CFAP61: variants seen among roughly 807,000 people sequenced by gnomAD.
CFAP61 encodes cilia and flagella associated protein 61, also known as cilia- and flagella-associated protein 61.
CFAP61 carries 107 observed loss-of-function variants against 135.6 expected under a neutral mutation model. The observed-to-expected ratio is 0.79, with a 90% CI of 0.67 to 0.93. CFAP61 has a LOEUF of 0.93. Ranked by LOEUF, CFAP61 falls within the 40% of genes least tolerant of loss-of-function variation. The probability of loss-of-function intolerance (pLI) is 0.00; values close to 1 mark genes in which losing one functional copy is unlikely to be tolerated. For synonymous variants in CFAP61, 575 were observed against 578.5 expected, an observed-to-expected ratio of 0.99 and a Z score of 0.09; for missense variants, 1,507 against 1,556.2, an observed-to-expected ratio of 0.97 and a Z score of 0.53.
intron 25 of CFAP61, among the ~76,000 whole-genome samples, chr20:20,308,987 T>G (rs979866523): frequency 3.9e-5 from 6 of 152,206 alleles, no homozygotes; most frequent in African/African-American, 1.4e-4. Flanking sequence ...TGTTTTACTG[T>G]TGTTGGAACT....
At position 20,359,471 on chromosome 20, in the gene CFAP61, C is replaced by A. The variant is rs1180624613; in HGVS notation, c.3514-739C>A. ...CCTGAGGTCGGGAGTTCAAGACCAGCCTGACCAACATGGAGAGACCCTGTC... is the reference window on the plus strand; with the variant it reads ...CCTGAGGTCGGGAGTTCAAGACCAGACTGACCAACATGGAGAGACCCTGTC... On this transcript the variant is annotated intron_variant, in intron 26 of 26. Transcript: ENST00000245957. The surrounding 1 kb of genome is among the most constrained non-coding windows in gnomAD (Gnocchi z 4.0). Among the ~76,000 whole-genome samples the A allele has an allele frequency of 1.3e-5, 2 of 152,032 alleles. No homozygotes were observed. Among genetic ancestry groups the A allele is most frequent in the African/African-American group, 4.8e-5 (2 of 41,390 alleles).
intron 17 of CFAP61, among the ~76,000 whole-genome samples, chr20:20,227,531 C>A (rs924346315): frequency 1.6e-4 from 25 of 152,132 alleles, no homozygotes; most frequent in African/African-American, 5.6e-4. Flanking sequence ...TTTAATGTAC[C>A]CCTTGCAGCT....
intron 3 of CFAP61, among the ~76,000 whole-genome samples, chr20:20,073,294 G>A (rs1032468312): frequency 6.6e-6 from 1 of 152,190 alleles, no homozygotes; most frequent in Non-Finnish European, 1.5e-5. Flanking sequence ...TGGGATTTGT[G>A]TTGTTTGCCT....
At chr20:20,055,892 G>T in intron 1 of CFAP61, 1 of 1,316,198 alleles carries the variant, frequency 7.6e-7, no homozygotes. Context: ...AGAGAGAAGA[G>T]AGACTTACAG....
At chr20:20,357,640 GA>G in intron 26 of CFAP61, among the ~76,000 whole-genome samples, 2 of 7,798 alleles carry the variant, frequency 2.6e-4, no homozygotes, top group African/African-American at 7.4e-4. Context: ...ACACTGAGGG[GA>G]AGTGGTCACA....
chr20:20,172,390 C>CCAGCGAGCCAT, intron 13 of CFAP61: 1 of 581,784 alleles, frequency 1.7e-6, no homozygotes, highest in Non-Finnish European at 2.2e-6. Flanking sequence ...AATCATGGCT[C>CCAGCGAGCCAT]GCTGGAGCCT....
chr20:20,164,192 T>C lies in CFAP61; in HGVS notation c.1169T>C (p.Ile390Thr). The C allele has an allele frequency of 1.2e-6, 2 of 1,614,070 alleles. No individual in the cohort carries two copies. The highest frequency in any genetic ancestry group is 8.5e-7 in the Non-Finnish European group (1 of 1,179,942). The change falls in exon 11 of 27, where the codon ATT becomes ACT. Residue 390 changes from isoleucine (I) to threonine (T), a missense_variant. Physicochemically the swap from Ile to Thr is moderately conservative, Grantham distance 89. Coordinates refer to ENST00000245957, the MANE Select transcript of CFAP61 (RefSeq NM_015585.4). ...IYRGASAAFC[I>T]QLFCIDEKYE... ...AGGGGAGCCTCAGCTGCTTTTTGTA[T>C]TCAGCTGTTTTGTATTGATGAGAAA...
At chr20:20,097,498 T>C (rs1393724000) in intron 7 of CFAP61, among the ~76,000 whole-genome samples, 1 of 152,226 alleles carries the variant, frequency 6.6e-6, no homozygotes, top group Non-Finnish European at 1.5e-5. Context: ...TTAAGGAGTT[T>C]CAGTCACAGC....
intron 1 of CFAP61, 128 bp downstream of exon 1, chr20:20,052,719 C>A: frequency 6.2e-7 from 1 of 1,607,404 alleles, no homozygotes; most frequent in Non-Finnish European, 8.5e-7. Flanking sequence ...CGAGCCGTGG[C>A]GCCCTGCAAG....
At chr20:20,166,474 G>A in intron 12 of CFAP61, 38 bp downstream of exon 12, 1 of 1,533,062 alleles carries the variant, frequency 6.5e-7, no homozygotes, top group Non-Finnish European at 9.0e-7. Flanking sequence ...GATTTTGTAA[G>A]CTTAGAGAAC....
intron 6 of CFAP61, among the ~76,000 whole-genome samples, chr20:20,087,703 T>A (rs2046903890): frequency 6.6e-6 from 1 of 152,148 alleles, no homozygotes; most frequent in African/African-American, 2.4e-5. Flanking sequence ...ATAATAACAA[T>A]AACATTGCAC....
chr20:20,255,271 T>C (rs1193222210), intron 20 of CFAP61, among the ~76,000 whole-genome samples: 1 of 152,164 alleles, frequency 6.6e-6, no homozygotes, highest in Non-Finnish European at 1.5e-5. Flanking sequence ...TGGACGGTCA[T>C]GGAGCAGCAG....
intron 8 of CFAP61, among the ~76,000 whole-genome samples, chr20:20,099,728 G>C (rs1321851254): frequency 2.6e-5 from 4 of 152,048 alleles, no homozygotes; most frequent in Non-Finnish European, 2.9e-5. Context: ...GTAAAATCAG[G>C]GTATTTCAAA....
intron 25 of CFAP61, among the ~76,000 whole-genome samples, chr20:20,336,959 C>T (rs1449820569): frequency 2.0e-5 from 3 of 152,230 alleles, no homozygotes; most frequent in African/African-American, 7.2e-5. Flanking sequence ...ACCCTCAGTG[C>T]CCTTCACATG....
chr20:20,073,922 G>A (rs1365924322), intron 3 of CFAP61: 6 of 184,606 alleles, frequency 3.3e-5, no homozygotes, highest in Non-Finnish European at 5.7e-5. Flanking sequence ...ACTCAAGAGC[G>A]CCGGGAAAAG....
intron 26 of CFAP61, among the ~76,000 whole-genome samples, chr20:20,347,402 A>G (rs1425465910): frequency 6.6e-6 from 1 of 152,202 alleles, no homozygotes; most frequent in African/African-American, 2.4e-5. Flanking sequence ...TGAAATAGAG[A>G]ATAAGAAAAT....
rs139934124 is a variant in CFAP61 at position 20,318,073 on chromosome 20, T to C, written c.3422+19687T>C. Among the ~76,000 whole-genome samples, 193 of 152,300 alleles carry C rather than the reference T, an allele frequency of 1.3e-3. 2 individuals are homozygous for C. Among genetic ancestry groups the C allele is most frequent in the African/African-American group, 4.4e-3 (181 of 41,572 alleles). On this transcript the variant is annotated intron_variant, in intron 25 of 26. Transcript: ENST00000245957. The stretch of plus-strand genomic sequence containing the variant: ...CAGGCCCCCAACTCAAACCCTCTCT[T>C]GTACCAGGAAGGACGTCCCTTCTTG...
chr20:20,339,174 G>A (rs1308787231), intron 25 of CFAP61, among the ~76,000 whole-genome samples: 1 of 152,182 alleles, frequency 6.6e-6, no homozygotes, highest in Non-Finnish European at 1.5e-5. Context: ...TAGACGGCAG[G>A]CTGTGTGGGT....
At chr20:20,172,897 C>G (rs1461229456) in intron 13 of CFAP61, among the ~76,000 whole-genome samples, 1 of 152,218 alleles carries the variant, frequency 6.6e-6, no homozygotes, top group Non-Finnish European at 1.5e-5. Flanking sequence ...TGATAGCACA[C>G]AGAATAGTTT....
Sources: gnomAD v4.1 joint callset for allele counts (sites outside exome capture counted in the v4.1 genomes callset) on GRCh38, gnomAD v4.1.1 for gene constraint, Gnocchi (gnomAD v3.1) non-coding constraint, MANE v1.5 for transcripts, NCBI Gene and HGNC (gene_info 2026-07-23, HGNC 2026-07-21) for gene names.